KANK1: variants seen among roughly 807,000 people sequenced by gnomAD.
The protein encoded by KANK1 is KN motif and ankyrin repeat domains 1, also known as KN motif and ankyrin repeat domain-containing protein 1.
KANK1 carries 109 observed loss-of-function variants against 106.2 expected under a neutral mutation model. The ratio of observed to expected loss-of-function variants is 1.03; its 90% CI spans 0.88 to 1.20. The LOEUF (loss-of-function observed/expected upper bound fraction) is 1.20, where lower values mean the gene tolerates loss of function less well. Among genes scored for constraint, KANK1 ranks in the 50% most tolerant of loss-of-function variants. The probability of loss-of-function intolerance (pLI) is 0.00; values close to 1 mark genes in which losing one functional copy is unlikely to be tolerated. For synonymous variants in KANK1, 873 were observed against 652.2 expected, an observed-to-expected ratio of 1.34 and a Z score of -5.16; for missense variants, 2,399 against 1,710.7, an observed-to-expected ratio of 1.40 and a Z score of -7.10.
chr9:611,653 A>G (rs562507165), intron 1 of KANK1, among the ~76,000 whole-genome samples: 27 of 152,242 alleles, frequency 1.8e-4, no homozygotes, highest in African/African-American at 4.8e-4. Flanking sequence ...GTGTCATTCT[A>G]TTTTGCAGGC....
At chr9:658,386 C>T (rs1312029829) in intron 1 of KANK1, among the ~76,000 whole-genome samples, 1 of 152,044 alleles carries the variant, frequency 6.6e-6, no homozygotes, top group African/African-American at 2.4e-5. Flanking sequence ...TCACTTCAGC[C>T]CAACCTACTC....
At chr9:576,318 G>A (rs572356918) in intron 1 of KANK1, among the ~76,000 whole-genome samples, 1 of 152,276 alleles carries the variant, frequency 6.6e-6, no homozygotes, top group Non-Finnish European at 1.5e-5. Flanking sequence ...GTGTATACAA[G>A]GTAAGAAGCA....
intron 1 of KANK1, among the ~76,000 whole-genome samples, chr9:531,589 T>G (rs548994579): frequency 1.3e-5 from 2 of 152,220 alleles, no homozygotes; most frequent in Non-Finnish European, 2.9e-5. Flanking sequence ...TTGTGGGGAC[T>G]CTGTCATTTG....
chr9:675,480 C>G (rs969138164), intron 1 of KANK1, among the ~76,000 whole-genome samples: 28 of 152,058 alleles, frequency 1.8e-4, no homozygotes, highest in African/African-American at 6.3e-4. Context: ...TTTGCAAAAA[C>G]CAAAGGGGAA....
intron 1 of KANK1, among the ~76,000 whole-genome samples, chr9:609,791 A>G (rs1830154558): frequency 6.6e-6 from 1 of 152,314 alleles, no homozygotes; most frequent in African/African-American, 2.4e-5. Context: ...ATAGTTTGGA[A>G]CTATGGCAAA....
intron 1 of KANK1, among the ~76,000 whole-genome samples, chr9:528,082 G>A (rs112305290): frequency 1.3e-5 from 2 of 151,126 alleles, no homozygotes; most frequent in Non-Finnish European, 2.9e-5. Flanking sequence ...GCAGTGAGCC[G>A]AGATCGTGCC....
At chr9:634,416 A>C (rs56342047) in intron 1 of KANK1, among the ~76,000 whole-genome samples, 9,909 of 152,240 alleles carry the variant, frequency 0.065, 871 homozygotes, top group East Asian at 0.24. Context: ...TCTGACAAGC[A>C]TCTCAAAAGA....
chr9:698,560 G>GC (rs1450282233), intron 2 of KANK1, among the ~76,000 whole-genome samples: 1 of 152,138 alleles, frequency 6.6e-6, no homozygotes, highest in Non-Finnish European at 1.5e-5. Context: ...CTCCAGCTCA[G>GC]CCCAGAGTAG....
intron 1 of KANK1, among the ~76,000 whole-genome samples, chr9:535,009 G>GC (rs1381455179): frequency 2.6e-5 from 4 of 152,148 alleles, no homozygotes; most frequent in African/African-American, 4.8e-5. Flanking sequence ...TGCCCCCTTT[G>GC]CCCCTCCTGC....
At chr9:735,792 G>C (rs1324013917) in intron 7 of KANK1, 1 of 396,908 alleles carries the variant, frequency 2.5e-6, no homozygotes, top group Non-Finnish European at 5.3e-6. Context: ...TCTGGAGTTC[G>C]AGACGAGCTT....
At chr9:475,437 C>A (rs1182801915) in intron 3 of KANK1, among the ~76,000 whole-genome samples, 1 of 151,572 alleles carries the variant, frequency 6.6e-6, no homozygotes, top group African/African-American at 2.4e-5. Flanking sequence ...AAGGTGCCCA[C>A]TCGGCCCTCT....
chr9:685,745 C>G (rs1818411942), intron 2 of KANK1, among the ~76,000 whole-genome samples: 1 of 152,158 alleles, frequency 6.6e-6, no homozygotes, highest in Non-Finnish European at 1.5e-5. Context: ...TCTCAGGGAT[C>G]TTTTCTACTT....
intron 1 of KANK1, among the ~76,000 whole-genome samples, chr9:599,896 G>C (rs1827284025): frequency 6.6e-6 from 1 of 151,724 alleles, no homozygotes; most frequent in Non-Finnish European, 1.5e-5. Context: ...TTATTTTAAT[G>C]ATCATTTAGT....
intron 1 of KANK1, among the ~76,000 whole-genome samples, chr9:525,354 T>C (rs1198240164): frequency 6.8e-6 from 1 of 147,986 alleles, no homozygotes; most frequent in African/African-American, 2.6e-5. Context: ...TACATACGTG[T>C]GTGTGTGTGT....
At chr9:722,831 C>G (rs529382670) in intron 3 of KANK1, among the ~76,000 whole-genome samples, 56 of 152,280 alleles carry the variant, frequency 3.7e-4, no homozygotes, top group African/African-American at 1.3e-3. Flanking sequence ...CCGCACTGTT[C>G]TAAGCACTGG....
In KANK1 at chr9:528,165, A is replaced by AT. The variant is rs1413641528; in HGVS notation, c.-84+23416dup. 6.0e-5 allele frequency among the ~76,000 whole-genome samples: 9 copies of AT among 150,336 alleles called. No homozygotes were observed. In the South Asian group the frequency reaches 8.4e-4, roughly 14 times the overall value. ...AAAAAAAAAAAAAAAACTTTTTAGG[A>AT]TTTTTCTTTTTGTCCAAGTATTCTG... is the stretch of plus-strand genomic sequence containing the variant. On this transcript the variant is annotated intron_variant, in intron 1 of 11. Coordinates refer to ENST00000382297, the MANE Select transcript of KANK1 (RefSeq NM_015158.5).
At position 712,581 on chromosome 9, in the gene KANK1, C is replaced by T. The variant is rs747838748; in HGVS notation, c.1815C>T (p.Asn605=). Reference sequence around the variant, plus strand: ...TCAGCGTCTGCGAAACAGGCAGCAACACAGAGGAGTCTGTGAACGACCTCA... The same window carrying T: ...TCAGCGTCTGCGAAACAGGCAGCAATACAGAGGAGTCTGTGAACGACCTCA... ...VEVSVCETGS[N]TEESVNDLTL... Residue 605 remains asparagine (N), a synonymous_variant, in exon 3 of 12, where the codon AAC becomes AAT. Transcript: ENST00000382297. 11 of 1,614,144 alleles carry T rather than the reference C, an allele frequency of 6.8e-6. No homozygotes were observed. The South Asian group carries it at 8.8e-5, about 13-fold the overall frequency.
intron 1 of KANK1, among the ~76,000 whole-genome samples, chr9:665,351 GAGAT>G (rs1444510991): frequency 1.3e-5 from 2 of 152,174 alleles, no homozygotes; most frequent in Non-Finnish European, 2.9e-5. Context: ...TACATGGTGA[GAGAT>G]AGAGGTCTAG....
chr9:660,270 T>G (rs1031469470), intron 1 of KANK1: 4 of 236,480 alleles, frequency 1.7e-5, no homozygotes, highest in Non-Finnish European at 2.8e-5. Context: ...CATGTGCCAG[T>G]TCCTCTTAGA....
Sources: allele counts gnomAD v4.1 joint callset (sites outside exome capture counted in the v4.1 genomes callset), GRCh38; gene constraint gnomAD v4.1.1; transcripts MANE v1.5; gene names NCBI Gene and HGNC (gene_info 2026-07-23, HGNC 2026-07-21).